TNFSF10: variants seen among roughly 807,000 people sequenced by gnomAD.
The protein encoded by TNFSF10 is tumor necrosis factor ligand superfamily member 10.
Under a neutral mutation model 29.5 loss-of-function variants are expected in TNFSF10, and 13 were observed. The ratio of observed to expected loss-of-function variants is 0.44; its 90% CI spans 0.29 to 0.70. TNFSF10 has a LOEUF of 0.70. Among genes scored for constraint, TNFSF10 ranks in the 30% least tolerant of loss-of-function variants. TNFSF10 has a pLI of 0.13. For synonymous variants in TNFSF10, 111 were observed against 112.8 expected (o/e 0.98, Z 0.10); for missense variants, 345 against 330.9 (o/e 1.04, Z -0.33).
At chr3:172,512,657 T>G (rs1368238747) in intron 2 of TNFSF10, among the ~76,000 whole-genome samples, 1 of 152,206 alleles carries the variant, frequency 6.6e-6, no homozygotes, top group African/African-American at 2.4e-5. Context: ...CAGCATTCTC[T>G]CTTATCTCTG....
At chr3:172,508,349 A>G (rs879327325) in intron 4 of TNFSF10, among the ~76,000 whole-genome samples, 3 of 152,154 alleles carry the variant, frequency 2.0e-5, no homozygotes, top group Non-Finnish European at 4.4e-5. Context: ...ACATAGCAAC[A>G]TATCGACACA....
intron 3 of TNFSF10, among the ~76,000 whole-genome samples, chr3:172,509,583 G>A (rs1713132669): frequency 6.6e-6 from 1 of 152,170 alleles, no homozygotes; most frequent in Non-Finnish European, 1.5e-5. Context: ...GGTCCAAAGA[G>A]AAACAAAGTG....
chr3:172,518,241 G>C (rs1457600617), intron 1 of TNFSF10: 1 of 1,140,600 alleles, frequency 8.8e-7, no homozygotes, highest in Non-Finnish European at 1.1e-6. Context: ...TCTTGCACTG[G>C]GTGCCTGTTC....
intron 1 of TNFSF10, among the ~76,000 whole-genome samples, chr3:172,515,329 C>T (rs1308970163): frequency 6.6e-6 from 1 of 152,088 alleles, no homozygotes; most frequent in Non-Finnish European, 1.5e-5. Context: ...TAGTTTTGAG[C>T]CGGTTCACTA....
chr3:172,509,458 T>C (rs1225434640), intron 3 of TNFSF10, 137 bp from the exon 4 acceptor site: 5 of 575,344 alleles, frequency 8.7e-6, no homozygotes, highest in Non-Finnish European at 5.9e-6. Context: ...TTCATAAAAA[T>C]AACATTTTGA....
chr3:172,518,519 T>G, intron 1 of TNFSF10: 1 of 1,231,438 alleles, frequency 8.1e-7, no homozygotes, highest in Non-Finnish European at 1.1e-6. Flanking sequence ...GAAGCCCTTC[T>G]CCTTTTTCCT....
At chr3:172,520,964 A>G (rs1209695832) in intron 1 of TNFSF10, among the ~76,000 whole-genome samples, 1 of 152,214 alleles carries the variant, frequency 6.6e-6, no homozygotes, top group African/African-American at 2.4e-5. Context: ...AGGATTCCCT[A>G]TTTAATAAAT....
chr3:172,519,149 G>A (rs1713569869), intron 1 of TNFSF10, among the ~76,000 whole-genome samples: 1 of 152,110 alleles, frequency 6.6e-6, no homozygotes, highest in Middle Eastern at 3.2e-3. Flanking sequence ...CAAAGTTGCT[G>A]GTACACAGTA....
chr3:172,521,531 C>T (rs990738854), intron 1 of TNFSF10, among the ~76,000 whole-genome samples: 6 of 152,080 alleles, frequency 3.9e-5, no homozygotes, highest in Non-Finnish European at 1.5e-5. Flanking sequence ...GAATGGTGGT[C>T]ATTAAAAAGT....
intron 1 of TNFSF10, among the ~76,000 whole-genome samples, chr3:172,520,050 G>A (rs1221653288): frequency 6.6e-6 from 1 of 152,232 alleles, no homozygotes; most frequent in Non-Finnish European, 1.5e-5. Context: ...CTCCTCGTCT[G>A]TAAAAAGTGG....
At position 172,506,207 on chromosome 3, in the gene TNFSF10, G is replaced by C; in HGVS notation, c.*285C>G. 1 of 354,638 alleles carries C rather than the reference G, an allele frequency of 2.8e-6. No individual in the cohort carries two copies. The highest frequency in any genetic ancestry group is 5.2e-5 in the South Asian group (1 of 19,090). 22.0% of individuals were successfully genotyped at this position (354,638 alleles called of 1,614,324 possible). On this transcript the variant is annotated 3_prime_UTR_variant, in exon 5 of 5. Coordinates refer to ENST00000241261, the MANE Select transcript of TNFSF10 (RefSeq NM_003810.4). ...ATGTTAACCATTGCATTAATGTTTG[G>C]AAGCTGACAGTCTTCTAGATTTCTG...
At chr3:172,519,919 T>C (rs550276570) in intron 1 of TNFSF10, among the ~76,000 whole-genome samples, 2 of 152,262 alleles carry the variant, frequency 1.3e-5, no homozygotes, top group East Asian at 3.9e-4. Context: ...CATCACAAGG[T>C]GTAGATAGGT....
At chr3:172,509,115 T>C (rs1426976140) in intron 4 of TNFSF10, 102 bp downstream of exon 4, 1 of 886,782 alleles carries the variant, frequency 1.1e-6, no homozygotes, top group Non-Finnish European at 1.7e-6. Flanking sequence ...ATTTTGTAGA[T>C]AGCCATATAA....
chr3:172,517,870 C>A (rs1348816102), intron 1 of TNFSF10: 5 of 985,148 alleles, frequency 5.1e-6, no homozygotes, highest in South Asian at 9.4e-5. Flanking sequence ...CTTTCTAGAC[C>A]TTTTTATGCA....
intron 3 of TNFSF10, among the ~76,000 whole-genome samples, chr3:172,511,048 C>T (rs961337137): frequency 2.0e-5 from 3 of 152,082 alleles, no homozygotes; most frequent in Non-Finnish European, 4.4e-5. Flanking sequence ...GCTAAAGAAG[C>T]CAGCCTGGGC....
chr3:172,511,651 CA>C lies in TNFSF10; in HGVS notation c.278del (p.Leu93Ter). Reference protein sequence around the residue: ...QLRQLVRKMILRTSEETISTV... With the variant: ...QLRQLVRKMIXRTSEETISTV... ...TAGAAATGGTTTCCTCAGAGGTTCT[CA>C]AAATCATCTGCAAATATTATTGAAT... On this transcript the variant is annotated frameshift_variant, in exon 3 of 5. Transcript: ENST00000241261. LOFTEE classifies it high-confidence loss of function. The C allele has an allele frequency of 6.2e-7, 1 of 1,611,748 alleles. No individual in the cohort carries two copies. The highest frequency in any genetic ancestry group is 8.5e-7 in the Non-Finnish European group (1 of 1,179,046).
In TNFSF10 at chr3:172,523,377, A is replaced by G; in HGVS notation, c.8T>C (p.Met3Thr). 6.2e-7 allele frequency: 1 copy of G among 1,613,676 alleles called. No homozygotes were observed. The highest frequency in any genetic ancestry group is 8.5e-7 in the Non-Finnish European group (1 of 1,179,656). The change falls in exon 1 of 5, where the codon ATG becomes ACG. Residue 3 changes from methionine (M) to threonine (T), a missense_variant. Transcript: ENST00000241261. MA[M>T]MEVQGGPSLG... ...GCTGGGTCCCCCCTGGACCTCCATC[A>G]TAGCCATGATCCTGTCAGAGTCTGA...
chr3:172,508,849 A>G (rs1011242395), intron 4 of TNFSF10, among the ~76,000 whole-genome samples: 1 of 151,906 alleles, frequency 6.6e-6, no homozygotes, highest in Admixed American at 6.6e-5. Context: ...AGATGGTGCC[A>G]TTGCACTCCA....
chr3:172,510,002 G>GT (rs1713159717), intron 3 of TNFSF10, among the ~76,000 whole-genome samples: 1 of 145,138 alleles, frequency 6.9e-6, no homozygotes, highest in African/African-American at 2.5e-5. Context: ...AAAAAGAAAT[G>GT]TAACAAATGA....
Sources: allele counts gnomAD v4.1 joint callset (sites outside exome capture counted in the v4.1 genomes callset), GRCh38; gene constraint gnomAD v4.1.1; transcripts MANE v1.5; gene names NCBI Gene and HGNC (gene_info 2026-07-23, HGNC 2026-07-21).